The following FYN variants were observed in gnomAD, a reference collection of about 807,000 sequenced individuals.
FYN encodes FYN proto-oncogene, Src family tyrosine kinase.
FYN carries 10 observed loss-of-function variants against 70.2 expected under a neutral mutation model. The observed-to-expected ratio is 0.14, with a 90% CI of 0.09 to 0.24. The LOEUF is 0.24. Ranked by LOEUF, FYN falls within the 10% of genes least tolerant of loss-of-function variation. The pLI is 1.00. For missense variants in FYN, 319 were observed against 673.1 expected (o/e 0.47, Z 5.82); for synonymous variants, 236 against 248.6 (o/e 0.95, Z 0.48).
chr6:111,699,617 G>A, intron 9 of FYN: 1 of 1,614,028 alleles, frequency 6.2e-7, no homozygotes, highest in Non-Finnish European at 8.5e-7. Flanking sequence ...GAAGTTTGTG[G>A]GGTACAACTC....
intron 12 of FYN, among the ~76,000 whole-genome samples, chr6:111,687,877 G>T (rs1799092367): frequency 6.6e-6 from 1 of 152,082 alleles, no homozygotes; most frequent in African/African-American, 2.4e-5. Flanking sequence ...CTTGTTCAAG[G>T]TCTCACAGTG....
At chr6:111,677,416 T>C (rs981136019) in intron 12 of FYN, among the ~76,000 whole-genome samples, 1 of 152,224 alleles carries the variant, frequency 6.6e-6, no homozygotes, top group Non-Finnish European at 1.5e-5. Context: ...TCCCCTTATC[T>C]TGGCTTCCCA....
intron 3 of FYN, among the ~76,000 whole-genome samples, chr6:111,751,613 C>T (rs1802491480): frequency 7.7e-6 from 1 of 129,252 alleles, no homozygotes. Flanking sequence ...GGCAGTGTCT[C>T]CATTCAAATT....
chr6:111,813,398 G>T (rs1396540183), intron 2 of FYN, among the ~76,000 whole-genome samples: 2 of 152,160 alleles, frequency 1.3e-5, no homozygotes, highest in Non-Finnish European at 2.9e-5. Flanking sequence ...AAACTTGAGA[G>T]AATAATCATA....
At chr6:111,783,752 C>T (rs1032837832) in intron 2 of FYN, among the ~76,000 whole-genome samples, 3 of 152,228 alleles carry the variant, frequency 2.0e-5, no homozygotes, top group South Asian at 2.1e-4. Flanking sequence ...TATTTCTGCA[C>T]CCACAGTGCT....
intron 1 of FYN, among the ~76,000 whole-genome samples, chr6:111,859,904 G>T (rs1355613930): frequency 6.6e-6 from 1 of 152,136 alleles, no homozygotes; most frequent in Non-Finnish European, 1.5e-5. Flanking sequence ...CCATATTAGG[G>T]CTGGCCCTAA....
chr6:111,679,049 G>T (rs1798672014), intron 12 of FYN, among the ~76,000 whole-genome samples: 1 of 152,104 alleles, frequency 6.6e-6, no homozygotes, highest in Non-Finnish European at 1.5e-5. Context: ...TTCCCCAGCT[G>T]CTTCTTATCA....
intron 5 of FYN, among the ~76,000 whole-genome samples, chr6:111,712,533 C>T (rs1242974462): frequency 6.6e-6 from 1 of 151,710 alleles, no homozygotes; most frequent in African/African-American, 2.4e-5. Context: ...CAGGATGCCT[C>T]CCTGCACCTC....
chr6:111,720,247 C>T (rs1020723791), intron 3 of FYN, among the ~76,000 whole-genome samples, 185 bp from the exon 4 acceptor site: 4 of 152,122 alleles, frequency 2.6e-5, no homozygotes, highest in Admixed American at 6.5e-5. Context: ...ACCCCACAAT[C>T]GCATTTGTTC....
chr6:111,682,203 A>G (rs1798808933), intron 12 of FYN, among the ~76,000 whole-genome samples: 1 of 152,200 alleles, frequency 6.6e-6, no homozygotes, highest in Non-Finnish European at 1.5e-5. Context: ...CTAAACGCAA[A>G]GAGTGTCAAT....
intron 2 of FYN, among the ~76,000 whole-genome samples, chr6:111,793,141 G>C (rs942640981): frequency 2.6e-5 from 4 of 152,118 alleles, no homozygotes; most frequent in African/African-American, 9.7e-5. Context: ...ATTTAAGCAA[G>C]ATAATTTGAA....
intron 3 of FYN, among the ~76,000 whole-genome samples, chr6:111,729,615 GT>G (rs1261198379): frequency 3.3e-5 from 5 of 152,138 alleles, no homozygotes; most frequent in Admixed American, 1.3e-4. Flanking sequence ...CTTGTTAGTT[GT>G]TTAGCATGAG....
At chr6:111,756,402 T>G (rs1007201998) in intron 3 of FYN, among the ~76,000 whole-genome samples, 2 of 147,116 alleles carry the variant, frequency 1.4e-5, no homozygotes, top group African/African-American at 5.2e-5. Flanking sequence ...CAGATGGTTT[T>G]AGAGAAAAAA....
At chr6:111,825,696 T>C (rs768172052) in intron 2 of FYN, among the ~76,000 whole-genome samples, 2 of 152,204 alleles carry the variant, frequency 1.3e-5, no homozygotes, top group African/African-American at 2.4e-5. Context: ...CCTGACCTGT[T>C]TGGGGGAGTT....
chr6:111,787,505 T>C (rs1480181115), intron 2 of FYN, among the ~76,000 whole-genome samples: 1 of 152,174 alleles, frequency 6.6e-6, no homozygotes, highest in African/African-American at 2.4e-5. Context: ...GCGTGATGCC[T>C]CCAGGCAAAG....
chr6:111,861,503 C>T (rs1773961293), intron 1 of FYN, among the ~76,000 whole-genome samples: 1 of 152,102 alleles, frequency 6.6e-6, no homozygotes, highest in South Asian at 2.1e-4. Flanking sequence ...AAATCCACCA[C>T]TGCTTCTCGA....
At chr6:111,801,552 C>T (rs1357020956) in intron 2 of FYN, among the ~76,000 whole-genome samples, 1 of 152,214 alleles carries the variant, frequency 6.6e-6, no homozygotes, top group Non-Finnish European at 1.5e-5. Flanking sequence ...TTCAACAGAA[C>T]TTCCGTACCA....
At chr6:111,751,172 A>T (rs914572623) in intron 3 of FYN, among the ~76,000 whole-genome samples, 1 of 152,118 alleles carries the variant, frequency 6.6e-6, no homozygotes, top group Non-Finnish European at 1.5e-5. Flanking sequence ...GGCACTGGGG[A>T]CAGAACTTCT....
chr6:111,861,866 A>G (rs1002922757), intron 1 of FYN, among the ~76,000 whole-genome samples: 1 of 152,244 alleles, frequency 6.6e-6, no homozygotes, highest in Admixed American at 6.5e-5. Context: ...AACAAAGGCT[A>G]TAGCTGAGCT....
Sources: allele counts gnomAD v4.1 joint callset (sites outside exome capture counted in the v4.1 genomes callset), GRCh38; gene constraint gnomAD v4.1.1; transcripts MANE v1.5; gene names NCBI Gene and HGNC (gene_info 2026-07-23, HGNC 2026-07-21).